Variants in GDPD5 observed in about 807,000 individuals in gnomAD.
GDPD5 encodes glycerophosphodiester phosphodiesterase 2.
Under a neutral mutation model 75.1 loss-of-function variants are expected in GDPD5, and 48 were observed. The ratio of observed to expected loss-of-function variants is 0.64; its 90% CI spans 0.51 to 0.81. GDPD5 has a LOEUF of 0.81. GDPD5 is among the 40% of genes least tolerant of loss of function. The pLI, the probability that GDPD5 is intolerant of heterozygous loss-of-function variation, is 0.00. For missense variants in GDPD5, 706 were observed against 822.6 expected (o/e 0.86, Z 1.73); for synonymous variants, 336 against 339.0 (o/e 0.99, Z 0.10).
intron 13 of GDPD5, 130 bp from the exon 14 acceptor site, chr11:75,441,440 G>T (rs749736058): frequency 4.3e-5 from 55 of 1,290,794 alleles, no homozygotes; most frequent in Non-Finnish European, 5.7e-5. Context: ...TGGCTCCAGA[G>T]GGCCAAGCTC....
chr11:75,456,121 G>A (rs1465858357), intron 6 of GDPD5, among the ~76,000 whole-genome samples: 1 of 152,226 alleles, frequency 6.6e-6, no homozygotes, highest in African/African-American at 2.4e-5. Context: ...GGGAGGGCAA[G>A]AGCAAAGTGC....
chr11:75,515,407 C>G (rs901447827), intron 1 of GDPD5, among the ~76,000 whole-genome samples: 1 of 152,242 alleles, frequency 6.6e-6, no homozygotes, highest in African/African-American at 2.4e-5. Flanking sequence ...CCACACCCCC[C>G]ACCTAACTCC....
intron 1 of GDPD5, among the ~76,000 whole-genome samples, chr11:75,496,694 G>T (rs752682974): frequency 6.6e-6 from 1 of 152,022 alleles, no homozygotes; most frequent in Non-Finnish European, 1.5e-5. Context: ...CTCTCTGTAC[G>T]AGGCCAAGGT....
chr11:75,444,728 C>T lies in GDPD5; in HGVS notation c.715-233G>A, dbSNP rs138416196. Among the ~76,000 whole-genome samples, 1,139 of 152,260 alleles carry T rather than the reference C, an allele frequency of 7.5e-3. 4 individuals carry two copies. Among genetic ancestry groups the T allele is most frequent in the Non-Finnish European group, 0.013 (894 of 68,012 alleles). On this transcript the variant is annotated intron_variant, in intron 9 of 16. Transcript: ENST00000336898. ...TTTACTGGGGGCGGGGGAGGCAGGG[C>T]TGGTTAGTGTTGATGCATATAAATG...
intron 4 of GDPD5, among the ~76,000 whole-genome samples, chr11:75,461,191 A>G (rs1187374335): frequency 6.6e-6 from 1 of 151,912 alleles, no homozygotes; most frequent in East Asian, 1.9e-4. Flanking sequence ...AGACTTGATG[A>G]TCTTCTAGGC....
At chr11:75,459,918 C>T (rs2135282670) in intron 4 of GDPD5, among the ~76,000 whole-genome samples, 1 of 152,196 alleles carries the variant, frequency 6.6e-6, no homozygotes, top group Middle Eastern at 3.4e-3. Flanking sequence ...AATCTGAGCG[C>T]TGGGCAGCTT....
intron 1 of GDPD5, among the ~76,000 whole-genome samples, chr11:75,496,299 C>A (rs1950207179): frequency 6.6e-6 from 1 of 152,238 alleles, no homozygotes; most frequent in Non-Finnish European, 1.5e-5. Flanking sequence ...TGGCAAATCT[C>A]CACATTCCTT....
At chr11:75,481,099 G>A (rs905251281) in intron 2 of GDPD5, among the ~76,000 whole-genome samples, 23 of 152,206 alleles carry the variant, frequency 1.5e-4, no homozygotes, top group African/African-American at 5.5e-4. Flanking sequence ...GATGGAGGGA[G>A]GAAAGGGAGC....
intron 1 of GDPD5, among the ~76,000 whole-genome samples, chr11:75,520,210 A>G (rs946256509): frequency 2.0e-5 from 3 of 152,238 alleles, no homozygotes; most frequent in Non-Finnish European, 4.4e-5. Context: ...GGACTCTTCC[A>G]TCAGCTTCTT....
In GDPD5 at chr11:75,487,816, C is replaced by T. The variant is rs1395395469; in HGVS notation, c.-61+2421G>A. ...TGAGTAGTCACCAAAAGTGACCTGG[C>T]CTTGCCCAGAGGGCACAGCTTAGCA... On this transcript the variant is annotated intron_variant, in intron 2 of 16. Transcript: ENST00000336898. Among the ~76,000 whole-genome samples the T allele has an allele frequency of 3.3e-5, 5 of 152,186 alleles. No homozygotes were observed. The East Asian group carries it at 9.6e-4, about 29-fold the overall frequency.
chr11:75,449,071 TAGAG>T lies in GDPD5; in HGVS notation c.616_619del (p.Leu206ThrfsTer109). ...AGAGGAGATGGTGAGAGGGGCCAGG[TAGAG>T]GGCAAACACCACGGTGAAGAAGGTA... On this transcript the variant is annotated frameshift_variant, in exon 9 of 17. Coordinates refer to ENST00000336898, the MANE Select transcript of GDPD5 (RefSeq NM_030792.8). LOFTEE classifies it high-confidence loss of function. 1 of 1,606,796 alleles carries T rather than the reference TAGAG, an allele frequency of 6.2e-7. No homozygotes were observed. Among genetic ancestry groups the T allele is most frequent in the Non-Finnish European group, 8.5e-7 (1 of 1,177,408 alleles).
chr11:75,441,861 CT>C, intron 12 of GDPD5, 58 bp from the exon 13 acceptor site: 1 of 1,501,984 alleles, frequency 6.7e-7, no homozygotes, highest in Middle Eastern at 1.7e-4. Flanking sequence ...GTAAGAGTAC[CT>C]ACTCCTCCTA....
Position 75,443,298 on chromosome 11 carries a change from G to T in GDPD5, c.798-12C>A. 1 of 1,601,026 alleles carries T rather than the reference G, an allele frequency of 6.2e-7. No homozygotes were observed. ...GCACGCCGTCCAGGCTGCAGGGAGG[G>T]TGGGGCCACCGAGTCAGTGACCCCC... is the stretch of plus-strand genomic sequence containing the variant. On this transcript the variant is annotated splice_polypyrimidine_tract_variant and intron_variant, in intron 10 of 16. Transcript: ENST00000336898.
chr11:75,522,873 C>A (rs1451797784), intron 1 of GDPD5, among the ~76,000 whole-genome samples: 1 of 152,026 alleles, frequency 6.6e-6, no homozygotes, highest in East Asian at 1.9e-4. Context: ...CACAGCCCTG[C>A]CAGCAGGAAG....
At chr11:75,495,839 G>A (rs1462868448) in intron 1 of GDPD5, among the ~76,000 whole-genome samples, 3 of 152,152 alleles carry the variant, frequency 2.0e-5, no homozygotes, top group Non-Finnish European at 4.4e-5. Context: ...TCATGTTGTG[G>A]GGCCTAGACC....
chr11:75,505,369 C>T (rs1244241604), intron 1 of GDPD5, among the ~76,000 whole-genome samples: 1 of 151,768 alleles, frequency 6.6e-6, no homozygotes, highest in Non-Finnish European at 1.5e-5. Context: ...CAGATCACCA[C>T]CTAAAAGCAG....
intron 6 of GDPD5, chr11:75,455,215 C>T (rs1592082755): frequency 2.3e-6 from 1 of 442,112 alleles, no homozygotes; most frequent in East Asian, 7.0e-5. Flanking sequence ...TGCTGAGAGC[C>T]AGGCATGGCC....
rs768406890 is a variant in GDPD5, at chr11:75,441,150, C to T, written c.1473+13G>A. The T allele has an allele frequency of 6.8e-6, 11 of 1,612,352 alleles. No individual in the cohort carries two copies. Among genetic ancestry groups the T allele is most frequent in the South Asian group, 4.4e-5 (4 of 91,022 alleles). On this transcript the variant is annotated intron_variant, in intron 14 of 16. Coordinates refer to ENST00000336898, the MANE Select transcript of GDPD5 (RefSeq NM_030792.8). ...AGCACTGCCCCCCAGGGGCCCTCTG[C>T]CCCCCAACTCACCATGATCCAGAGG...
At chr11:75,462,521 C>T (rs1398650194) in intron 4 of GDPD5, among the ~76,000 whole-genome samples, 2 of 152,204 alleles carry the variant, frequency 1.3e-5, no homozygotes, top group African/African-American at 2.4e-5. Context: ...TCCTCCTCCT[C>T]TTTCTTGCCA....
Sources: allele counts gnomAD v4.1 joint callset (sites outside exome capture counted in the v4.1 genomes callset), GRCh38; gene constraint gnomAD v4.1.1; transcripts MANE v1.5; gene names NCBI Gene and HGNC (gene_info 2026-07-23, HGNC 2026-07-21).